SFSWAP: variants seen among roughly 807,000 people sequenced by gnomAD.
SFSWAP encodes the protein splicing factor SWAP, also known as splicing factor, suppressor of white-apricot homolog.
Under a neutral mutation model 100.7 loss-of-function variants are expected in SFSWAP, and 17 were observed. The ratio of observed to expected loss-of-function variants is 0.17; its 90% CI spans 0.12 to 0.25. The LOEUF (loss-of-function observed/expected upper bound fraction) is 0.25, where lower values mean the gene tolerates loss of function less well. SFSWAP is among the 10% of genes least tolerant of loss of function. The pLI, the probability that SFSWAP is intolerant of heterozygous loss-of-function variation, is 1.00. For missense variants in SFSWAP, 1,005 were observed against 1,262.6 expected, an observed-to-expected ratio of 0.80 and a Z score of 3.09; for synonymous variants, 504 against 510.1, an observed-to-expected ratio of 0.99 and a Z score of 0.16.
chr12:131,741,603 G>A (rs1880638540), intron 7 of SFSWAP, among the ~76,000 whole-genome samples: 1 of 148,672 alleles, frequency 6.7e-6, no homozygotes, highest in African/African-American at 2.5e-5. Flanking sequence ...CAATGGTTGT[G>A]CCACTGTACT....
intron 14 of SFSWAP, among the ~76,000 whole-genome samples, chr12:131,782,721 A>G (rs1488364796): frequency 6.6e-6 from 1 of 152,246 alleles, no homozygotes; most frequent in African/African-American, 2.4e-5. Context: ...TAATGGCTAT[A>G]CTGTTCCTGT....
Position 131,786,496 on chromosome 12 carries a change from C to T in SFSWAP, c.2442C>T (p.His814=). The T allele has an allele frequency of 6.3e-7, 1 of 1,586,410 alleles. No individual in the cohort carries two copies. Residue 814 remains histidine (H), a synonymous_variant, in exon 15 of 18, where the codon CAC becomes CAT. Coordinates refer to ENST00000261674, the MANE Select transcript of SFSWAP (RefSeq NM_004592.4). ...SRSRSPRRRA[H]SPERRREERS... ...CCCGGTCCCCTCGGAGGAGAGCCCA[C>T]TCCCCTGAGAGACGGAGGGAAGAGA...
intron 4 of SFSWAP, among the ~76,000 whole-genome samples, chr12:131,722,842 A>T (rs1878606065): frequency 6.6e-6 from 1 of 152,098 alleles, no homozygotes. Context: ...TCAGCTACTC[A>T]GGAGGCCAAG....
intron 14 of SFSWAP, chr12:131,785,326 C>G: frequency 8.6e-7 from 1 of 1,161,328 alleles, no homozygotes; most frequent in Non-Finnish European, 1.2e-6. Context: ...GGCAGCCACT[C>G]CTGGCCCTCC....
intron 13 of SFSWAP, among the ~76,000 whole-genome samples, chr12:131,771,658 T>TTTTTTC (rs1252208475): frequency 6.2e-5 from 9 of 145,970 alleles, no homozygotes; most frequent in African/African-American, 2.3e-4. Flanking sequence ...CTCTTTTTTT[T>TTTTTTC]TTTTTTTTTT....
intron 13 of SFSWAP, among the ~76,000 whole-genome samples, chr12:131,766,914 T>C (rs1239464213): frequency 6.6e-6 from 1 of 152,060 alleles, no homozygotes; most frequent in Non-Finnish European, 1.5e-5. Flanking sequence ...AGGCCTTCAG[T>C]AGACACTGGC....
chr12:131,753,395 TGA>T, intron 8 of SFSWAP, 32 bp downstream of exon 8: 1 of 1,592,896 alleles, frequency 6.3e-7, no homozygotes, highest in East Asian at 2.3e-5. Context: ...GCCTGCTGTG[TGA>T]GTCACTCAGC....
intron 9 of SFSWAP, among the ~76,000 whole-genome samples, chr12:131,754,890 C>G (rs1201767528): frequency 1.3e-5 from 2 of 152,034 alleles, no homozygotes; most frequent in African/African-American, 2.4e-5. Context: ...GCCTCAGCCT[C>G]CCAAAGTGCT....
In SFSWAP at chr12:131,747,846, C is replaced by G. The variant is rs1211356439; in HGVS notation, c.1082-5277C>G. On this transcript the variant is annotated intron_variant, in intron 7 of 17. Coordinates refer to ENST00000261674, the MANE Select transcript of SFSWAP (RefSeq NM_004592.4). The stretch of plus-strand genomic sequence containing the variant: ...GAATGTTGAGTAGGTGGTTAATGCA[C>G]AAGTTCAAGTTCAGCTCAGGGCTGG... 2.6e-5 allele frequency among the ~76,000 whole-genome samples: 4 copies of G among 152,202 alleles called. No individual in the cohort carries two copies. In the East Asian group the frequency reaches 7.7e-4, roughly 29 times the overall value.
chr12:131,724,911 G>A (rs1029752675), intron 4 of SFSWAP, among the ~76,000 whole-genome samples: 2 of 152,238 alleles, frequency 1.3e-5, no homozygotes, highest in African/African-American at 4.8e-5. Context: ...GCGTACTCTT[G>A]TGGCTTTTGT....
chr12:131,732,059 G>A (rs540135685), intron 7 of SFSWAP, among the ~76,000 whole-genome samples: 24 of 151,708 alleles, frequency 1.6e-4, no homozygotes, highest in African/African-American at 5.1e-4. Context: ...ACAGGCGCTC[G>A]TCACCACGCC....
intron 3 of SFSWAP, among the ~76,000 whole-genome samples, chr12:131,717,876 G>A (rs1034581502): frequency 4.6e-5 from 7 of 152,088 alleles, no homozygotes; most frequent in Admixed American, 3.9e-4. Flanking sequence ...GATTACAGGC[G>A]CCCGCCACCA....
In SFSWAP at chr12:131,734,355, A is replaced by C. The variant is rs2136198331; in HGVS notation, c.1081+5927A>C. On this transcript the variant is annotated intron_variant, in intron 7 of 17. Coordinates refer to ENST00000261674, the MANE Select transcript of SFSWAP (RefSeq NM_004592.4). This position sits in a 1 kb window ranked among gnomAD's most constrained non-coding sequence, Gnocchi z 4.9. ...GAATGTCTTGGCTAACCATGATCTT[A>C]CCCAAGAGGACTTAAAATGAATGTG... Among the ~76,000 whole-genome samples the C allele has an allele frequency of 6.6e-6, 1 of 152,324 alleles. No homozygotes were observed. The highest frequency in any genetic ancestry group is 6.5e-5 in the Admixed American group (1 of 15,304).
intron 7 of SFSWAP, among the ~76,000 whole-genome samples, chr12:131,747,521 G>A (rs1167118609): frequency 6.6e-6 from 1 of 152,216 alleles, no homozygotes; most frequent in Non-Finnish European, 1.5e-5. Flanking sequence ...CTTGACCCTG[G>A]TTGAGAGAGG....
At chr12:131,746,709 A>G (rs1261205779) in intron 7 of SFSWAP, among the ~76,000 whole-genome samples, 2 of 152,208 alleles carry the variant, frequency 1.3e-5, no homozygotes, top group Admixed American at 6.5e-5. Flanking sequence ...TTCCCATTTG[A>G]CAGGTAGTTT....
intron 17 of SFSWAP, 48 bp from the exon 18 acceptor site, chr12:131,799,375 G>A: frequency 6.3e-7 from 1 of 1,582,830 alleles, no homozygotes; most frequent in Non-Finnish European, 8.7e-7. Flanking sequence ...CACGTGGGTT[G>A]TCTGGCCAGG....
At chr12:131,787,982 CTG>C (rs1386105593) in intron 15 of SFSWAP, among the ~76,000 whole-genome samples, 1 of 152,252 alleles carries the variant, frequency 6.6e-6, no homozygotes, top group African/African-American at 2.4e-5. Context: ...TAATCCTACA[CTG>C]AGCATTCATG....
intron 6 of SFSWAP, among the ~76,000 whole-genome samples, chr12:131,727,257 C>T (rs1879066400): frequency 1.3e-5 from 2 of 152,240 alleles, no homozygotes; most frequent in South Asian, 2.1e-4. Flanking sequence ...TTATAAAATT[C>T]GTGAGCATTT....
intron 7 of SFSWAP, among the ~76,000 whole-genome samples, chr12:131,739,217 T>C (rs553826178): frequency 6.6e-6 from 1 of 152,258 alleles, no homozygotes; most frequent in African/African-American, 2.4e-5. Context: ...GGTATAATTC[T>C]ATATGCAAGA....
Sources: gnomAD v4.1 joint callset for allele counts (sites outside exome capture counted in the v4.1 genomes callset) on GRCh38, gnomAD v4.1.1 for gene constraint, Gnocchi (gnomAD v3.1) non-coding constraint, MANE v1.5 for transcripts, NCBI Gene and HGNC (gene_info 2026-07-23, HGNC 2026-07-21) for gene names.